Variants in MACF1 observed in about 807,000 individuals in gnomAD.
The protein encoded by MACF1 is microtubule actin crosslinking factor 1.
MACF1 carries 193 observed loss-of-function variants against 854.8 expected under a neutral mutation model. That is an observed-to-expected ratio of 0.23 (90% CI 0.20 to 0.25). The LOEUF (loss-of-function observed/expected upper bound fraction) is 0.25, where lower values mean the gene tolerates loss of function less well. MACF1 is among the 10% of genes least tolerant of loss of function. The pLI, the probability that MACF1 is intolerant of heterozygous loss-of-function variation, is 1.00. For missense variants in MACF1, 7,722 were observed against 8,929.1 expected, an observed-to-expected ratio of 0.86 and a Z score of 5.45; for synonymous variants, 3,185 against 3,226.7, an observed-to-expected ratio of 0.99 and a Z score of 0.44.
rs1173520260 is a variant in MACF1 at position 39,084,545 on chromosome 1, C to A, written c.220+107C>A. 23 of 808,714 alleles carry A rather than the reference C, an allele frequency of 2.8e-5. No homozygotes were observed. In the South Asian group the frequency reaches 3.6e-4, roughly 13 times the overall value. 50.1% of individuals were successfully genotyped at this position (808,714 alleles called of 1,614,324 possible). The stretch of plus-strand genomic sequence containing the variant: ...GAGGGGTCCTCACCAGGGCCTCTGA[C>A]AAAGCAGCCATCATCTGATTTGTTA... On this transcript the variant is annotated intron_variant, in intron 2 of 93. Transcript: ENST00000361689. The surrounding 1 kb of genome is among the most constrained non-coding windows in gnomAD (Gnocchi z 5.2).
In MACF1 at chr1:39,324,627, C is replaced by G; in HGVS notation, c.4390-19C>G. 1 of 1,579,976 alleles carries G rather than the reference C, an allele frequency of 6.3e-7. No homozygotes were observed. The highest frequency in any genetic ancestry group is 8.6e-7 in the Non-Finnish European group (1 of 1,164,336). On this transcript the variant is annotated intron_variant, in intron 34 of 100. Coordinates refer to ENST00000564288, the MANE Select transcript of MACF1 (RefSeq NM_001394062.1). ...ATTCTTGGGTTTTGAAGCTTTTTCTCTTTATTTCTACCATGTAGGTTCTGT... is the reference window on the plus strand; with the variant it reads ...ATTCTTGGGTTTTGAAGCTTTTTCTGTTTATTTCTACCATGTAGGTTCTGT...
chr1:39,429,451 T>G, intron 64 of MACF1, 125 bp downstream of exon 64: 1 of 638,300 alleles, frequency 1.6e-6, no homozygotes, highest in East Asian at 2.6e-5. Context: ...ATTCACTGAT[T>G]GTATTCCCTA....
Position 39,460,784 on chromosome 1 carries a change from T to G in MACF1, c.21513T>G (p.Ile7171Met). The G allele has an allele frequency of 6.2e-7, 1 of 1,614,152 alleles. No homozygotes were observed. The highest frequency in any genetic ancestry group is 8.5e-7 in the Non-Finnish European group (1 of 1,179,998). The change falls in exon 92 of 101, where the codon ATT becomes ATG. Residue 7171 changes from isoleucine (I) to methionine (M), a missense_variant. Physicochemically the swap from Ile to Met is conservative, Grantham distance 10 (BLOSUM62 1). Coordinates refer to ENST00000564288, the MANE Select transcript of MACF1 (RefSeq NM_001394062.1). This position sits in a 1 kb window ranked among gnomAD's most constrained non-coding sequence, Gnocchi z 4.1. ...KITRQEFIDGILASKFPTTKL... is the reference protein window; with the variant it reads ...KITRQEFIDGMLASKFPTTKL... ...CACGTCAGGAGTTTATCGATGGCATTTTAGCATCCAGTGAGTCTAGTCATC... is the reference window on the plus strand; with the variant it reads ...CACGTCAGGAGTTTATCGATGGCATGTTAGCATCCAGTGAGTCTAGTCATC...
chr1:39,308,220 T>G (rs1475379619), intron 23 of MACF1, among the ~76,000 whole-genome samples: 1 of 152,178 alleles, frequency 6.6e-6, no homozygotes, highest in Non-Finnish European at 1.5e-5. Context: ...TTTAATTATT[T>G]CATTCTCCTT....
intron 58 of MACF1, chr1:39,410,306 A>G: frequency 6.2e-7 from 1 of 1,611,938 alleles, no homozygotes; most frequent in South Asian, 1.1e-5. Context: ...TTAAGGCGGA[A>G]CCCCAGCTGC....
intron 1 of MACF1, among the ~76,000 whole-genome samples, chr1:39,212,974 T>C (rs1276925609): frequency 6.6e-6 from 1 of 152,220 alleles, no homozygotes; most frequent in Non-Finnish European, 1.5e-5. Flanking sequence ...TTTCACCTTC[T>C]TACATATACA....
chr1:39,239,710 T>G (rs1010982195), intron 2 of MACF1, among the ~76,000 whole-genome samples: 1 of 152,214 alleles, frequency 6.6e-6, no homozygotes, highest in African/African-American at 2.4e-5. Flanking sequence ...TCTGGTCAGT[T>G]CCTGTTGACT....
intron 2 of MACF1, among the ~76,000 whole-genome samples, chr1:39,104,914 A>C (rs1208775604): frequency 6.6e-6 from 1 of 151,868 alleles, no homozygotes; most frequent in Non-Finnish European, 1.5e-5. Context: ...CTTTCCCTTC[A>C]GTTTCTCCAG....
chr1:39,358,639 G>A, intron 45 of MACF1, 58 bp from the exon 46 acceptor site: 1 of 1,546,876 alleles, frequency 6.5e-7, no homozygotes, highest in South Asian at 1.2e-5. Flanking sequence ...TCTTTGGGCA[G>A]CTGCTGCCTT....
In MACF1 at chr1:39,324,748, G is replaced by A. The variant is rs767950462; in HGVS notation, c.4478+14G>A. The A allele has an allele frequency of 2.5e-6, 4 of 1,589,750 alleles. No individual in the cohort carries two copies. The highest frequency in any genetic ancestry group is 3.5e-6 in the Non-Finnish European group (4 of 1,158,758). ...GCATGGTCATAAGTGAGTATTAAAT[G>A]AGAGATTATGGCACATCTGGGGCAC... On this transcript the variant is annotated intron_variant, in intron 35 of 100. Coordinates refer to ENST00000564288, the MANE Select transcript of MACF1 (RefSeq NM_001394062.1).
At chr1:39,377,588 C>T (rs192516222) in intron 52 of MACF1, among the ~76,000 whole-genome samples, 164 of 152,004 alleles carry the variant, frequency 1.1e-3, no homozygotes, top group Non-Finnish European at 2.1e-3. Flanking sequence ...TTTATTGGCA[C>T]TTAGGATTTC....
chr1:39,283,519 A>T lies in MACF1; in HGVS notation c.915+4A>T. On this transcript the variant is annotated splice_donor_region_variant and intron_variant, in intron 9 of 100. Transcript: ENST00000564288. The surrounding 1 kb of genome is among the most constrained non-coding windows in gnomAD (Gnocchi z 4.5). ...TGGAGAAGGGATCAGTGCTACGGTAAAAGAACATTTTCCTAGAAGGCCTTC... is the reference window on the plus strand; with the variant it reads ...TGGAGAAGGGATCAGTGCTACGGTATAAGAACATTTTCCTAGAAGGCCTTC... The T allele has an allele frequency of 6.3e-7, 1 of 1,583,880 alleles. No individual in the cohort carries two copies. Among genetic ancestry groups the T allele is most frequent in the Non-Finnish European group, 8.7e-7 (1 of 1,152,816 alleles).
intron 89 of MACF1, among the ~76,000 whole-genome samples, chr1:39,455,836 TAAGA>T (rs1361614484): frequency 6.6e-6 from 1 of 152,230 alleles, no homozygotes; most frequent in Admixed American, 6.5e-5. Flanking sequence ...AATATATCCT[TAAGA>T]GGCAAATACT....
intron 99 of MACF1, among the ~76,000 whole-genome samples, chr1:39,482,815 A>AC (rs369140254): frequency 6.7e-5 from 6 of 90,134 alleles, no homozygotes; most frequent in African/African-American, 1.1e-4. Flanking sequence ...AAAAAAAAAA[A>AC]CCCCACACAG....
intron 2 of MACF1, among the ~76,000 whole-genome samples, chr1:39,114,132 C>G (rs12137496): frequency 0.27 from 40,991 of 150,904 alleles, 6,027 homozygotes; most frequent in Non-Finnish European, 0.33. Flanking sequence ...TACACACCCC[C>G]ACCCAACAAC....
chr1:39,452,484 T>C, intron 86 of MACF1, 134 bp downstream of exon 86: 1 of 1,106,508 alleles, frequency 9.0e-7, no homozygotes, highest in Non-Finnish European at 1.3e-6. Flanking sequence ...CTGAATGTTC[T>C]ATAAAATTTT....
At chr1:39,393,199 ATAT>A (rs1642122806) in intron 58 of MACF1, among the ~76,000 whole-genome samples, 9 of 112,860 alleles carry the variant, frequency 8.0e-5, no homozygotes, top group African/African-American at 4.2e-4. Context: ...AAAAAAAAAT[ATAT>A]ATATATATAT....
intron 20 of MACF1, among the ~76,000 whole-genome samples, chr1:39,296,467 C>A (rs1281211334): frequency 6.6e-6 from 1 of 151,940 alleles, no homozygotes; most frequent in Non-Finnish European, 1.5e-5. Flanking sequence ...CCATGGCTCA[C>A]ACCTGTAGTC....
intron 2 of MACF1, among the ~76,000 whole-genome samples, chr1:39,138,167 G>A (rs936029857): frequency 1.3e-5 from 2 of 150,396 alleles, no homozygotes; most frequent in Non-Finnish European, 2.9e-5. Flanking sequence ...TGTGCTACCT[G>A]TCACTCAAGG....
Sources: gnomAD v4.1 joint callset for allele counts (sites outside exome capture counted in the v4.1 genomes callset) on GRCh38, gnomAD v4.1.1 for gene constraint, Gnocchi (gnomAD v3.1) non-coding constraint, MANE v1.5 for transcripts, NCBI Gene and HGNC (gene_info 2026-07-23, HGNC 2026-07-21) for gene names.